Variants in IFT140 observed in about 807,000 individuals in gnomAD.
IFT140 encodes the protein intraflagellar transport 140, also known as intraflagellar transport protein 140 homolog.
A neutral mutation model predicts 164.6 loss-of-function variants in IFT140; 133 were observed. The observed-to-expected ratio is 0.81, with a 90% confidence interval of 0.70 to 0.93. The LOEUF (loss-of-function observed/expected upper bound fraction) is 0.93. Among genes scored for constraint, IFT140 ranks in the 40% least tolerant of loss-of-function variants. IFT140 has a pLI of 0.00. For synonymous variants in IFT140, 860 were observed against 817.3 expected (o/e 1.05, Z -0.89); for missense variants, 2,045 against 1,972.3 (o/e 1.04, Z -0.70).
intron 10 of IFT140, among the ~76,000 whole-genome samples, chr16:1,584,819 T>C (rs2034783091): frequency 6.6e-6 from 1 of 152,262 alleles, no homozygotes; most frequent in African/African-American, 2.4e-5. Flanking sequence ...ATGTGAAATG[T>C]TGGTTTCATA....
rs763180833 is a variant in IFT140 at position 1,589,739 on chromosome 16, C to T, written c.676G>A (p.Val226Met). The T allele has an allele frequency of 1.2e-6, 2 of 1,614,222 alleles. No homozygotes were observed. Among genetic ancestry groups the T allele is most frequent in the East Asian group, 2.2e-5 (1 of 44,886 alleles). ...YVDEKGKTTQ[V>M]VSADSTIQML... ...TGAATCGTGCTGTCTGCGGACACCA[C>T]CTGAGTGGTCTTGCCCTTCTCATCC... Residue 226 changes from valine (V) to methionine (M), a missense_variant, in exon 7 of 31, where the codon GTG (valine) becomes ATG (methionine). By Grantham distance (21) the Val-to-Met change is conservative. Coordinates refer to ENST00000426508, the MANE Select transcript of IFT140 (RefSeq NM_014714.4).
intron 17 of IFT140, among the ~76,000 whole-genome samples, chr16:1,563,068 C>T (rs1416270512): frequency 6.6e-6 from 1 of 152,016 alleles, no homozygotes; most frequent in Admixed American, 6.5e-5. Context: ...AGGAGACGGC[C>T]CTACCTCCCT....
At chr16:1,524,754 G>A (rs377725041) in intron 23 of IFT140, 30 bp downstream of exon 23, 13 of 1,589,450 alleles carry the variant, frequency 8.2e-6, no homozygotes, top group Middle Eastern at 1.7e-4. Flanking sequence ...CCTCGTGTCC[G>A]CCTGGCCGGC....
chr16:1,524,415 G>T, intron 24 of IFT140, 137 bp downstream of exon 24: 1 of 1,187,252 alleles, frequency 8.4e-7, no homozygotes, highest in Non-Finnish European at 1.2e-6. Context: ...GGGTGAGGCA[G>T]ACGGGGTGAG....
chr16:1,525,204 C>A, intron 22 of IFT140, 27 bp downstream of exon 22: 1 of 1,559,390 alleles, frequency 6.4e-7, no homozygotes, highest in South Asian at 1.1e-5. Context: ...GGAGTGCGGT[C>A]CCACCAGCCC....
At chr16:1,524,525 C>A (rs773421585) in intron 24 of IFT140, 27 bp downstream of exon 24, 1 of 1,609,276 alleles carries the variant, frequency 6.2e-7, no homozygotes, top group Non-Finnish European at 8.5e-7. Context: ...CGAGAAGCGC[C>A]GGCTCCCCAC....
intron 19 of IFT140, chr16:1,534,491 CTG>C (rs2030852487): frequency 1.9e-6 from 3 of 1,609,768 alleles, no homozygotes; most frequent in South Asian, 2.2e-5. Flanking sequence ...ACGCACATGA[CTG>C]TGAGGCGCTG....
chr16:1,602,487 T>C lies in IFT140; in HGVS notation c.252A>G (p.Glu84=). 6.2e-7 allele frequency: 1 copy of C among 1,614,200 alleles called. No individual in the cohort carries two copies. The highest frequency in any genetic ancestry group is 1.1e-5 in the South Asian group (1 of 91,084). The change falls in exon 4 of 31, where the codon GAA becomes GAG. Residue 84 remains glutamate (E), a synonymous_variant. Transcript: ENST00000426508. ...LVLAVGWETG[E]VTVFNKQDKE... is the part of the protein sequence containing the mutation. ...TGTCCTGCTTGTTAAACACCGTCAC[T>C]TCTCCAGTCTCCCAGCCCACAGCCA...
At chr16:1,512,616 G>A (rs1410522853) in intron 30 of IFT140, among the ~76,000 whole-genome samples, 1 of 152,124 alleles carries the variant, frequency 6.6e-6, no homozygotes, top group Non-Finnish European at 1.5e-5. Flanking sequence ...CTCCAATTTT[G>A]CTTTTATACG....
At chr16:1,552,904 C>T (rs1434301487) in intron 19 of IFT140, 2 of 926,584 alleles carry the variant, frequency 2.2e-6, no homozygotes, top group Non-Finnish European at 2.6e-6. Context: ...CCACCCGCCT[C>T]AGCCTCCCAA....
In IFT140 at chr16:1,545,359, C is replaced by T. The variant is rs556184262; in HGVS notation, c.2399+12576G>A. Among the ~76,000 whole-genome samples, 46 of 152,304 alleles carry T rather than the reference C, an allele frequency of 3.0e-4. 1 individual carries two copies. Among genetic ancestry groups the T allele is most frequent in the African/African-American group, 1.0e-3 (42 of 41,580 alleles). ...TGGCTTTTCTTGCCCCCACAGGCCA[C>T]CTCTCCCCCTCAGTGTCCAACCATC... On this transcript the variant is annotated intron_variant, in intron 19 of 30. Coordinates refer to ENST00000426508, the MANE Select transcript of IFT140 (RefSeq NM_014714.4).
In IFT140 at chr16:1,543,118, G is replaced by A. The variant is rs571903172; in HGVS notation, c.2399+14817C>T. ...ACTGGGACAGGTCAGCCCGGTGCCC[G>A]CAGAGACAGGGACACAGAGAAAGCG... On this transcript the variant is annotated intron_variant, in intron 19 of 30. Coordinates refer to ENST00000426508, the MANE Select transcript of IFT140 (RefSeq NM_014714.4). 2.0e-5 allele frequency among the ~76,000 whole-genome samples: 3 copies of A among 152,352 alleles called. No individual in the cohort carries two copies. In the East Asian group the frequency reaches 5.8e-4, roughly 29 times the overall value.
chr16:1,553,611 G>A lies in IFT140; in HGVS notation c.2399+4324C>T. The stretch of plus-strand genomic sequence containing the variant: ...AGAGTCTCTGGCACTTTGGGTACAA[G>A]AAACAGACTCACTCAGGTTACTGTA... On this transcript the variant is annotated intron_variant, in intron 19 of 30. Coordinates refer to ENST00000426508, the MANE Select transcript of IFT140 (RefSeq NM_014714.4). The surrounding 1 kb of genome is among the most constrained non-coding windows in gnomAD (Gnocchi z 4.4). 1 of 1,031,304 alleles carries A rather than the reference G, an allele frequency of 9.7e-7. No individual in the cohort carries two copies. The highest frequency in any genetic ancestry group is 8.1e-5 in the East Asian group (1 of 12,364). The allele number at this position is 1,031,304 out of a possible 1,614,324, so 63.9% of individuals were successfully genotyped here. A position where few individuals can be genotyped will look rare whatever the true frequency, so the allele number is the denominator to read the frequency against.
chr16:1,537,510 G>A (rs2066937), intron 19 of IFT140, among the ~76,000 whole-genome samples: 38,676 of 152,182 alleles, frequency 0.25, 5,459 homozygotes, highest in African/African-American at 0.37. Context: ...ACTTCATCCA[G>A]GTTCAGGCCC....
At position 1,510,812 on chromosome 16, in the gene IFT140, G is replaced by A. The variant is rs112626319; in HGVS notation, c.*132C>T. ...CGCCGGCCCGGGCCGCTGCGTTCTC[G>A]CCCAGCTCTGTCGCGTATTCCAACA... is the stretch of plus-strand genomic sequence containing the variant. On this transcript the variant is annotated 3_prime_UTR_variant, in exon 31 of 31. Coordinates refer to ENST00000426508, the MANE Select transcript of IFT140 (RefSeq NM_014714.4). 1.6e-4 allele frequency: 140 copies of A among 870,224 alleles called. 1 individual carries two copies. Among genetic ancestry groups the A allele is most frequent in the African/African-American group, 1.4e-3 (84 of 60,418 alleles). 53.9% of individuals were successfully genotyped at this position (870,224 alleles called of 1,614,324 possible). A position where few individuals can be genotyped will look rare whatever the true frequency, so the allele number is the denominator to read the frequency against.
At chr16:1,528,493 A>T (rs2030051515) in intron 19 of IFT140, among the ~76,000 whole-genome samples, 1 of 149,354 alleles carries the variant, frequency 6.7e-6, no homozygotes, top group Non-Finnish European at 1.5e-5. Flanking sequence ...ACATGCACTC[A>T]CATACACACA....
chr16:1,603,833 A>C (rs1034492286), intron 3 of IFT140, among the ~76,000 whole-genome samples: 1 of 152,188 alleles, frequency 6.6e-6, no homozygotes. Flanking sequence ...GGAAGATATA[A>C]GTGCGTTTTC....
intron 19 of IFT140, chr16:1,530,811 C>T (rs1220302767): frequency 6.6e-6 from 1 of 150,960 alleles, no homozygotes; most frequent in Admixed American, 6.6e-5. Context: ...GCCAGCACAC[C>T]GTCAGATGCC....
intron 19 of IFT140, among the ~76,000 whole-genome samples, chr16:1,549,994 TC>T (rs1886301573): frequency 6.6e-6 from 1 of 152,200 alleles, no homozygotes; most frequent in African/African-American, 2.4e-5. Context: ...CTCTTTTTTG[TC>T]GCCCAGGCTG....
Sources: gnomAD v4.1 joint callset for allele counts (sites outside exome capture counted in the v4.1 genomes callset) on GRCh38, gnomAD v4.1.1 for gene constraint, Gnocchi (gnomAD v3.1) non-coding constraint, MANE v1.5 for transcripts, NCBI Gene and HGNC (gene_info 2026-07-23, HGNC 2026-07-21) for gene names.